The following SPPL3 variants were observed in gnomAD, a reference collection of about 807,000 sequenced individuals.
SPPL3 encodes signal peptide peptidase like 3, also known as signal peptide peptidase-like 3.
Under a neutral mutation model 42.4 loss-of-function variants are expected in SPPL3, and 5 were observed. That is an observed-to-expected ratio of 0.12 (90% confidence interval 0.06 to 0.25). The LOEUF is 0.25. Ranked by LOEUF, SPPL3 falls within the 10% of genes least tolerant of loss-of-function variation. The pLI, the probability that SPPL3 is intolerant of heterozygous loss-of-function variation, is 1.00. For synonymous variants in SPPL3, 195 were observed against 181.8 expected (o/e 1.07, Z -0.58); for missense variants, 235 against 489.0 (o/e 0.48, Z 4.90).
At chr12:120,820,110 C>T (rs1466011129) in intron 1 of SPPL3, among the ~76,000 whole-genome samples, 1 of 152,146 alleles carries the variant, frequency 6.6e-6, no homozygotes, top group Non-Finnish European at 1.5e-5. Flanking sequence ...TCTGGCTATG[C>T]AAACTGCTAA....
intron 1 of SPPL3, among the ~76,000 whole-genome samples, chr12:120,890,278 T>C (rs1042499991): frequency 6.6e-6 from 1 of 151,204 alleles, no homozygotes; most frequent in Non-Finnish European, 1.5e-5. Flanking sequence ...GTTTTACTTT[T>C]TCAGGGTATT....
chr12:120,829,694 A>G (rs1434276430), intron 1 of SPPL3, among the ~76,000 whole-genome samples: 3 of 152,086 alleles, frequency 2.0e-5, no homozygotes, highest in Non-Finnish European at 2.9e-5. Flanking sequence ...TGCAAAATAC[A>G]TATCAAATAA....
At chr12:120,864,748 A>G in intron 1 of SPPL3, among the ~76,000 whole-genome samples, 1 of 152,222 alleles carries the variant, frequency 6.6e-6, no homozygotes, top group East Asian at 1.9e-4. Context: ...GCTTTTCCTT[A>G]AAACAACCAC....
chr12:120,876,641 A>AAAAG (rs1566067226), intron 1 of SPPL3, among the ~76,000 whole-genome samples: 1 of 150,654 alleles, frequency 6.6e-6, no homozygotes, highest in East Asian at 1.9e-4. Context: ...AAAAAAGAAG[A>AAAAG]AAGAAAATAT....
chr12:120,818,755 A>C (rs1870960168), intron 1 of SPPL3, among the ~76,000 whole-genome samples: 5 of 152,258 alleles, frequency 3.3e-5, no homozygotes, highest in Admixed American at 2.6e-4. Context: ...GAGGACTCCC[A>C]AAGAGCTTTA....
At chr12:120,903,274 C>CCCCCCGCAGTTTTCCT (rs1874040429) in intron 1 of SPPL3, 1 of 152,706 alleles carries the variant, frequency 6.5e-6, no homozygotes, top group Non-Finnish European at 1.5e-5. Flanking sequence ...GTGGACTCTA[C>CCCCCCGCAGTTTTCCT]CCCCGCAGTT....
chr12:120,835,616 A>C (rs1291252422), intron 1 of SPPL3: 1 of 152,216 alleles, frequency 6.6e-6, no homozygotes, highest in East Asian at 1.9e-4. Flanking sequence ...CTCTTAAAAG[A>C]TCTCTTCTAT....
intron 2 of SPPL3, among the ~76,000 whole-genome samples, chr12:120,798,236 T>A (rs1870172353): frequency 6.6e-6 from 1 of 152,154 alleles, no homozygotes; most frequent in Non-Finnish European, 1.5e-5. Context: ...TTTTTTATTT[T>A]AAAAAAGCCT....
At chr12:120,884,370 C>T (rs1873384450) in intron 1 of SPPL3, among the ~76,000 whole-genome samples, 1 of 151,962 alleles carries the variant, frequency 6.6e-6, no homozygotes. Context: ...AATGAAAGCA[C>T]AGTATAAACC....
chr12:120,821,307 CAT>C (rs1871060681), intron 1 of SPPL3, among the ~76,000 whole-genome samples: 1 of 152,244 alleles, frequency 6.6e-6, no homozygotes, highest in South Asian at 2.1e-4. Context: ...GTCCTCACAT[CAT>C]AGTTTCCAAA....
intron 2 of SPPL3, among the ~76,000 whole-genome samples, chr12:120,808,345 G>C (rs918737737): frequency 2.6e-5 from 4 of 152,016 alleles, no homozygotes; most frequent in African/African-American, 9.7e-5. Flanking sequence ...CAAAGTGCTG[G>C]GATTACAGGT....
At chr12:120,790,422 T>C (rs1352499544) in intron 3 of SPPL3, among the ~76,000 whole-genome samples, 1 of 152,178 alleles carries the variant, frequency 6.6e-6, no homozygotes, top group Non-Finnish European at 1.5e-5. Flanking sequence ...CAATTTAACA[T>C]CCATGGTCCT....
chr12:120,821,768 G>A (rs1871077763), intron 1 of SPPL3, among the ~76,000 whole-genome samples: 1 of 152,154 alleles, frequency 6.6e-6, no homozygotes, highest in Admixed American at 6.6e-5. Flanking sequence ...TGAAAGCAGG[G>A]ACTCAAACAT....
At chr12:120,784,654 C>T in intron 3 of SPPL3, 61 bp from the exon 4 acceptor site, 1 of 1,378,578 alleles carries the variant, frequency 7.3e-7, no homozygotes. Context: ...TGCCTATGCA[C>T]TTCATATACA....
At chr12:120,801,822 C>A (rs1465100982) in intron 2 of SPPL3, among the ~76,000 whole-genome samples, 2 of 152,106 alleles carry the variant, frequency 1.3e-5, no homozygotes, top group Admixed American at 6.5e-5. Flanking sequence ...GGCCACTGAC[C>A]CTGTCAGCTA....
intron 1 of SPPL3, among the ~76,000 whole-genome samples, chr12:120,857,627 C>T (rs1872503138): frequency 6.6e-6 from 1 of 152,176 alleles, no homozygotes; most frequent in South Asian, 2.1e-4. Flanking sequence ...ATATACACTA[C>T]TATGCAGCCA....
Position 120,833,955 on chromosome 12 carries a change from G to A in SPPL3, c.24-23069C>T, listed in dbSNP as rs113549086. 5.2e-3 allele frequency among the ~76,000 whole-genome samples: 797 copies of A among 152,226 alleles called. 3 individuals are homozygous for A. The highest frequency in any genetic ancestry group is 8.6e-3 in the Admixed American group (132 of 15,294). On this transcript the variant is annotated intron_variant, in intron 1 of 10. Transcript: ENST00000353487. The stretch of plus-strand genomic sequence containing the variant: ...ATGAAGCTGACTGTGAGTCTGCACA[G>A]TACTGACCTTTGAGAATAAGCATGC...
intron 2 of SPPL3, among the ~76,000 whole-genome samples, chr12:120,797,363 T>C (rs1239055485): frequency 1.3e-5 from 2 of 152,138 alleles, no homozygotes; most frequent in African/African-American, 4.8e-5. Context: ...CTCTGCACCA[T>C]GAGTGGAAAC....
At chr12:120,772,859 C>T (rs754245166) in intron 6 of SPPL3, among the ~76,000 whole-genome samples, 7 of 152,174 alleles carry the variant, frequency 4.6e-5, no homozygotes, top group Non-Finnish European at 1.0e-4. Flanking sequence ...TCACTGTTAT[C>T]AAGCGCTCAC....
Sources: gnomAD v4.1 joint callset for allele counts (sites outside exome capture counted in the v4.1 genomes callset) on GRCh38, gnomAD v4.1.1 for gene constraint, MANE v1.5 for transcripts, NCBI Gene and HGNC (gene_info 2026-07-23, HGNC 2026-07-21) for gene names.